Variants in CNGB3 observed in about 807,000 individuals in gnomAD.
The protein encoded by CNGB3 is cyclic nucleotide gated channel subunit beta 3.
In CNGB3, 86 loss-of-function variants were observed where a neutral mutation model predicts 92.8. The observed-to-expected ratio is 0.93, with a 90% CI of 0.78 to 1.11. The LOEUF is 1.11. CNGB3 is among the 50% of genes least tolerant of loss of function. The pLI is 0.00. For missense variants in CNGB3, 1,026 were observed against 956.8 expected, an observed-to-expected ratio of 1.07 and a Z score of -0.95; for synonymous variants, 333 against 332.7, an observed-to-expected ratio of 1.00 and a Z score of -0.01.
intron 3 of CNGB3, among the ~76,000 whole-genome samples, chr8:86,723,362 A>G (rs921119700): frequency 2.0e-4 from 30 of 152,126 alleles, no homozygotes; most frequent in Non-Finnish European, 3.2e-4. Context: ...CAATCAATCA[A>G]ATACTTAATT....
intron 3 of CNGB3, among the ~76,000 whole-genome samples, chr8:86,715,005 C>G (rs947099609): frequency 6.6e-5 from 10 of 152,162 alleles, no homozygotes; most frequent in Middle Eastern, 3.4e-3. Flanking sequence ...AGAGGTGAGT[C>G]TGAGCTCAGA....
chr8:86,663,696 G>C (rs890691966), intron 6 of CNGB3, among the ~76,000 whole-genome samples: 1 of 152,152 alleles, frequency 6.6e-6, no homozygotes, highest in Non-Finnish European at 1.5e-5. Context: ...TTCAGGTTGG[G>C]TACTCAATGT....
chr8:86,643,973 C>T, intron 9 of CNGB3, 100 bp from the exon 10 acceptor site: 1 of 1,341,454 alleles, frequency 7.5e-7, no homozygotes, highest in Non-Finnish European at 1.0e-6. Context: ...GAACCCCTTG[C>T]TTTGGATTTG....
rs1015011118 is a variant in CNGB3 at position 86,574,917 on chromosome 8, C to A, written c.*887G>T. 6.6e-6 allele frequency: 1 copy of A among 152,100 alleles called. No homozygotes were observed. Among genetic ancestry groups the A allele is most frequent in the Non-Finnish European group, 1.5e-5 (1 of 68,020 alleles). The allele number at this position is 152,100 out of a possible 1,614,324, so 9.4% of individuals were successfully genotyped here. A position where few individuals can be genotyped will look rare whatever the true frequency, so the allele number is the denominator to read the frequency against. On this transcript the variant is annotated 3_prime_UTR_variant, in exon 18 of 18. Coordinates refer to ENST00000320005, the MANE Select transcript of CNGB3 (RefSeq NM_019098.5). ...ACATGTGTAGAGTCTGCCTTCCTAACCTCATCACTTTGTTTTACTAAAGCT... is the reference window on the plus strand; with the variant it reads ...ACATGTGTAGAGTCTGCCTTCCTAAACTCATCACTTTGTTTTACTAAAGCT...
intron 7 of CNGB3, among the ~76,000 whole-genome samples, chr8:86,649,152 G>A (rs1823349993): frequency 6.6e-6 from 1 of 151,510 alleles, no homozygotes; most frequent in African/African-American, 2.4e-5. Flanking sequence ...ACAAAACACT[G>A]CTGAGAGAAA....
intron 2 of CNGB3, among the ~76,000 whole-genome samples, chr8:86,732,464 T>C (rs1298285768): frequency 6.6e-6 from 1 of 152,284 alleles, no homozygotes; most frequent in African/African-American, 2.4e-5. Context: ...AGAGTAGATA[T>C]GCAGAGAAAA....
intron 11 of CNGB3, among the ~76,000 whole-genome samples, chr8:86,631,805 T>C (rs1033133450): frequency 6.6e-6 from 1 of 152,214 alleles, no homozygotes; most frequent in African/African-American, 2.4e-5. Flanking sequence ...GGAACTGCCA[T>C]ATCCCCGTGT....
chr8:86,632,850 T>TA lies in CNGB3; in HGVS notation c.1221_1222insT (p.Ile408TyrfsTer12). The TA allele has an allele frequency of 6.2e-7, 1 of 1,612,844 alleles. No homozygotes were observed. Among genetic ancestry groups the TA allele is most frequent in the Non-Finnish European group, 8.5e-7 (1 of 1,179,802 alleles). ...GTTTGTGGTTCTGGAAGGCCACCAA[T>TA]GGTAATTAAAGTTCGAACTGCCCAA... On this transcript the variant is annotated frameshift_variant, in exon 11 of 18. Coordinates refer to ENST00000320005, the MANE Select transcript of CNGB3 (RefSeq NM_019098.5). LOFTEE classifies it high-confidence loss of function.
intron 11 of CNGB3, among the ~76,000 whole-genome samples, chr8:86,629,603 T>G (rs1203482430): frequency 6.6e-6 from 1 of 152,216 alleles, no homozygotes; most frequent in Non-Finnish European, 1.5e-5. Context: ...ATAGACTCAA[T>G]TCATCATGAA....
At position 86,575,482 on chromosome 8, in the gene CNGB3, C is replaced by T. The variant is rs1821640343; in HGVS notation, c.*322G>A. 4.0e-6 allele frequency: 1 copy of T among 247,746 alleles called. No individual in the cohort carries two copies. The highest frequency in any genetic ancestry group is 8.5e-5 in the East Asian group (1 of 11,746). 15.3% of individuals were successfully genotyped at this position (247,746 alleles called of 1,614,324 possible). ...AAAAGGTTAGTGAATCACATCACAG[C>T]CAAGAGCAAGCTAATAAAACTGGAA... On this transcript the variant is annotated 3_prime_UTR_variant, in exon 18 of 18. Coordinates refer to ENST00000320005, the MANE Select transcript of CNGB3 (RefSeq NM_019098.5).
At chr8:86,667,576 T>C (rs1459042814) in intron 5 of CNGB3, among the ~76,000 whole-genome samples, 1 of 152,138 alleles carries the variant, frequency 6.6e-6, no homozygotes, top group Non-Finnish European at 1.5e-5. Flanking sequence ...TGGCACTGAA[T>C]GGGAGGGCAG....
intron 15 of CNGB3, among the ~76,000 whole-genome samples, chr8:86,590,116 TC>T (rs1821994503): frequency 6.6e-6 from 1 of 152,068 alleles, no homozygotes; most frequent in African/African-American, 2.4e-5. Flanking sequence ...TCTCTTTTGA[TC>T]TTTTTTGGTT....
intron 6 of CNGB3, among the ~76,000 whole-genome samples, chr8:86,662,865 G>A (rs1039412727): frequency 6.6e-6 from 1 of 152,150 alleles, no homozygotes; most frequent in Non-Finnish European, 1.5e-5. Context: ...CCATGGGAGA[G>A]CCAAGGACCC....
intron 2 of CNGB3, among the ~76,000 whole-genome samples, chr8:86,737,466 G>A (rs933941707): frequency 2.6e-5 from 4 of 152,036 alleles, no homozygotes; most frequent in Non-Finnish European, 4.4e-5. Context: ...GTATGAGAGT[G>A]GGGCCATTTG....
rs57486853 is a variant in CNGB3 at position 86,635,821 on chromosome 8, GATATATATATATATATATAT to G, written c.1179-2948_1179-2929del. Among the ~76,000 whole-genome samples, 563 of 60,604 alleles carry G rather than the reference GATATATATATATATATATAT, an allele frequency of 9.3e-3. 10 individuals are homozygous for G. The highest frequency in any genetic ancestry group is 0.028 in the African/African-American group (438 of 15,522). The allele number at this position is 60,604 out of a possible 152,430, so 39.8% of individuals were successfully genotyped here. ...ACAATGCATCAACTGTATAACACAT[GATATATATATATATATATAT>G]ATATATATATATATATATATATACA... On this transcript the variant is annotated intron_variant, in intron 10 of 17. Transcript: ENST00000320005.
chr8:86,613,615 A>G (rs1467221924), intron 13 of CNGB3, among the ~76,000 whole-genome samples: 1 of 152,138 alleles, frequency 6.6e-6, no homozygotes, highest in Admixed American at 6.6e-5. Flanking sequence ...GAGAAGATTT[A>G]CATTGTAAAT....
chr8:86,576,020 T>C lies in CNGB3; in HGVS notation c.2214A>G (p.Glu738=), dbSNP rs3735970. The C allele has an allele frequency of 0.089, 142,679 of 1,610,886 alleles. 6,655 individuals carry two copies. The highest frequency in any genetic ancestry group is 0.11 in the East Asian group (5,017 of 44,850). Residue 738 remains glutamate (E), a synonymous_variant, in exon 18 of 18, where the codon GAA becomes GAG. Transcript: ENST00000320005. Reference sequence around the variant, plus strand: ...CTGGCTCTCTTCCTTTATCTTTATCTTCATTTTCTTTTCCTTTATCTTCAT... The same window carrying C: ...CTGGCTCTCTTCCTTTATCTTTATCCTCATTTTCTTTTCCTTTATCTTCAT... ...KENEDKGKEN[E]DKDKGREPEE...
intron 15 of CNGB3, among the ~76,000 whole-genome samples, chr8:86,579,580 CT>C (rs151336096): frequency 0.021 from 3,218 of 152,312 alleles, 109 homozygotes; most frequent in African/African-American, 0.074. Context: ...TTCAGATCCA[CT>C]TTTCACCTCT....
chr8:86,620,644 C>T (rs181389271), intron 13 of CNGB3, among the ~76,000 whole-genome samples: 14 of 152,278 alleles, frequency 9.2e-5, no homozygotes, highest in Non-Finnish European at 1.3e-4. Flanking sequence ...CTAGGTCCCA[C>T]ACCTGGACCA....
Sources: gnomAD v4.1 joint callset for allele counts (sites outside exome capture counted in the v4.1 genomes callset) on GRCh38, gnomAD v4.1.1 for gene constraint, MANE v1.5 for transcripts, NCBI Gene and HGNC (gene_info 2026-07-23, HGNC 2026-07-21) for gene names.